Variants in CNBD1 observed in about 807,000 individuals in gnomAD.
CNBD1 encodes the protein cyclic nucleotide binding domain containing 1.
Under a neutral mutation model 54.4 loss-of-function variants are expected in CNBD1, and 71 were observed. The ratio of observed to expected loss-of-function variants is 1.30; its 90% CI spans 1.08 to 1.59. The LOEUF (loss-of-function observed/expected upper bound fraction) is 1.59. Among genes scored for constraint, CNBD1 ranks in the 40% most tolerant of loss-of-function variants. CNBD1 has a pLI of 0.00. For missense variants in CNBD1, 659 were observed against 518.0 expected, an observed-to-expected ratio of 1.27 and a Z score of -2.64; for synonymous variants, 182 against 170.7, an observed-to-expected ratio of 1.07 and a Z score of -0.51.
chr8:87,064,700 T>C (rs1035989192), intron 4 of CNBD1, among the ~76,000 whole-genome samples: 2 of 151,816 alleles, frequency 1.3e-5, no homozygotes, highest in South Asian at 2.1e-4. Context: ...TCTGAAAATG[T>C]TATTATTTAC....
chr8:87,159,869 A>G (rs923165996), intron 4 of CNBD1, among the ~76,000 whole-genome samples: 2 of 152,018 alleles, frequency 1.3e-5, no homozygotes, highest in Non-Finnish European at 2.9e-5. Context: ...CTAATGATAT[A>G]GTAGCATTTA....
At chr8:87,037,022 T>C (rs1002244915) in intron 4 of CNBD1, among the ~76,000 whole-genome samples, 1 of 152,218 alleles carries the variant, frequency 6.6e-6, no homozygotes, top group African/African-American at 2.4e-5. Flanking sequence ...AGGATTTCTC[T>C]GTAAACTTCT....
chr8:86,997,174 T>A (rs1213081713), intron 4 of CNBD1, among the ~76,000 whole-genome samples: 1 of 151,690 alleles, frequency 6.6e-6, no homozygotes, highest in African/African-American at 2.4e-5. Flanking sequence ...GAGTACATAC[T>A]GTGTAATTAA....
At chr8:87,077,586 G>A (rs1417117286) in intron 4 of CNBD1, among the ~76,000 whole-genome samples, 5 of 109,986 alleles carry the variant, frequency 4.5e-5, no homozygotes, top group Non-Finnish European at 8.3e-5. Flanking sequence ...CCGCATGACA[G>A]GCCCTGGTTT....
chr8:87,031,217 T>C (rs755807341), intron 4 of CNBD1, among the ~76,000 whole-genome samples: 1 of 151,866 alleles, frequency 6.6e-6, no homozygotes, highest in Non-Finnish European at 1.5e-5. Flanking sequence ...GAATTAAGGA[T>C]GGAAAAATGG....
chr8:86,939,680 T>A lies in CNBD1; in HGVS notation c.357T>A (p.His119Gln), dbSNP rs1245642441. ...NNIAVHVQRAHGGHILYRPKR... is the reference protein window; with the variant it reads ...NNIAVHVQRAQGGHILYRPKR... ...TAGCTGTCCATGTTCAGAGAGCACATGGTGGCCATATTTTATATAGACCAA... is the reference window on the plus strand; with the variant it reads ...TAGCTGTCCATGTTCAGAGAGCACAAGGTGGCCATATTTTATATAGACCAA... The change falls in exon 4 of 11, where the codon CAT becomes CAA. Residue 119 changes from histidine (H) to glutamine (Q), a missense_variant. Coordinates refer to ENST00000518476, the MANE Select transcript of CNBD1 (RefSeq NM_173538.3). 1 of 1,605,588 alleles carries A rather than the reference T, an allele frequency of 6.2e-7. No individual in the cohort carries two copies. The highest frequency in any genetic ancestry group is 8.5e-7 in the Non-Finnish European group (1 of 1,174,694).
chr8:86,981,813 T>C (rs1053533583), intron 4 of CNBD1, among the ~76,000 whole-genome samples: 1 of 152,308 alleles, frequency 6.6e-6, no homozygotes, highest in East Asian at 1.9e-4. Context: ...CAAGTTATGG[T>C]CATTTGAACT....
At chr8:87,318,054 G>C (rs955297590) in intron 8 of CNBD1, among the ~76,000 whole-genome samples, 1 of 151,594 alleles carries the variant, frequency 6.6e-6, no homozygotes, top group Non-Finnish European at 1.5e-5. Flanking sequence ...AATTTAATTT[G>C]ACTCATTTTA....
intron 10 of CNBD1, among the ~76,000 whole-genome samples, chr8:87,361,076 A>G (rs746891387): frequency 6.6e-6 from 1 of 151,970 alleles, no homozygotes; most frequent in South Asian, 2.1e-4. Flanking sequence ...ACAGTTTGCC[A>G]CAGGGAATAC....
At chr8:87,104,013 A>G (rs1344128998) in intron 4 of CNBD1, among the ~76,000 whole-genome samples, 4 of 152,166 alleles carry the variant, frequency 2.6e-5, no homozygotes, top group African/African-American at 7.2e-5. Flanking sequence ...GAGACATACT[A>G]TAGGCCCTGT....
chr8:87,376,154 A>G (rs1214823037), intron 10 of CNBD1, among the ~76,000 whole-genome samples: 1 of 151,936 alleles, frequency 6.6e-6, no homozygotes, highest in East Asian at 1.9e-4. Flanking sequence ...CTCTCAGTTC[A>G]TACTGCTTCA....
At chr8:87,254,998 T>C (rs1807982795) in intron 6 of CNBD1, among the ~76,000 whole-genome samples, 1 of 152,114 alleles carries the variant, frequency 6.6e-6, no homozygotes, top group African/African-American at 2.4e-5. Flanking sequence ...TTAAAAAAGA[T>C]TTTTACTACC....
downstream of CNBD1, among the ~76,000 whole-genome samples, chr8:87,385,067 T>A (rs920878661): frequency 7.9e-5 from 12 of 152,274 alleles, no homozygotes; most frequent in Admixed American, 2.0e-4. Context: ...AAAATAGATT[T>A]GGGGGACAAG....
chr8:86,954,293 G>C (rs551476171), intron 4 of CNBD1, among the ~76,000 whole-genome samples: 1 of 152,280 alleles, frequency 6.6e-6, no homozygotes, highest in African/African-American at 2.4e-5. Context: ...TAATCAGTTT[G>C]ACCATGAGCT....
intron 4 of CNBD1, among the ~76,000 whole-genome samples, chr8:86,971,359 A>G (rs148640093): frequency 2.6e-5 from 4 of 152,254 alleles, no homozygotes; most frequent in South Asian, 2.1e-4. Context: ...TCATGATTCA[A>G]TTGCCTCCCA....
chr8:87,291,535 G>A (rs534258971), intron 8 of CNBD1, among the ~76,000 whole-genome samples: 43 of 152,150 alleles, frequency 2.8e-4, no homozygotes, highest in African/African-American at 1.0e-3. Flanking sequence ...AACAGTGTAA[G>A]AATCACCCTT....
chr8:86,890,187 A>C (rs1353003190), intron 2 of CNBD1, among the ~76,000 whole-genome samples: 3 of 151,952 alleles, frequency 2.0e-5, no homozygotes, highest in Admixed American at 1.3e-4. Context: ...ATAGATCTTA[A>C]AATCTTTTTA....
At chr8:87,183,426 TC>T (rs1425326373) in intron 4 of CNBD1, among the ~76,000 whole-genome samples, 147 of 139,754 alleles carry the variant, frequency 1.1e-3, no homozygotes, top group Non-Finnish European at 1.8e-3. Flanking sequence ...TATATTATTT[TC>T]CCACATTTGT....
At chr8:87,379,953 A>T (rs988387700) in intron 10 of CNBD1, among the ~76,000 whole-genome samples, 2 of 151,934 alleles carry the variant, frequency 1.3e-5, no homozygotes, top group South Asian at 4.1e-4. Context: ...CCAGTTAGAA[A>T]CATTTACCAA....
Sources: allele counts gnomAD v4.1 joint callset (sites outside exome capture counted in the v4.1 genomes callset), GRCh38; gene constraint gnomAD v4.1.1; transcripts MANE v1.5; gene names NCBI Gene and HGNC (gene_info 2026-07-23, HGNC 2026-07-21).